Variants in ERG observed in about 807,000 individuals in gnomAD.
The protein encoded by ERG is ETS transcription factor ERG.
In ERG, 9 loss-of-function variants were observed where a neutral mutation model predicts 55.3. The observed-to-expected ratio is 0.16, with a 90% CI of 0.10 to 0.28. The LOEUF is 0.28. Among genes scored for constraint, ERG ranks in the 10% least tolerant of loss-of-function variants. The pLI is 1.00. For synonymous variants in ERG, 223 were observed against 237.3 expected (o/e 0.94, Z 0.55); for missense variants, 434 against 631.6 (o/e 0.69, Z 3.35).
chr21:38,403,678 C>A lies in ERG; in HGVS notation c.420G>T (p.Arg140=), dbSNP rs1262204830. Residue 140 remains arginine (R), a synonymous_variant, in exon 4 of 10, where the codon CGG becomes CGT. Coordinates refer to ENST00000288319, the MANE Select transcript of ERG (RefSeq NM_182918.4). ...CTTTCACCGCCCACTCCAGCCACTGCCGCACATGGTCTGTACTCCATAGCG... is the reference window on the plus strand; with the variant it reads ...CTTTCACCGCCCACTCCAGCCACTGACGCACATGGTCTGTACTCCATAGCG... The part of the protein sequence containing the change: ...DPTLWSTDHV[R]QWLEWAVKEY... The A allele has an allele frequency of 1.2e-6, 2 of 1,614,192 alleles. No individual in the cohort carries two copies. The highest frequency in any genetic ancestry group is 3.3e-5 in the Admixed American group (2 of 60,018).
Position 38,657,121 on chromosome 21 carries a change from CAA to C in ERG, c.-150+4535_-150+4536del, listed in dbSNP as rs5843924. Among the ~76,000 whole-genome samples the C allele has an allele frequency of 2.5e-4, 38 of 151,644 alleles. 1 individual carries two copies. The highest frequency in any genetic ancestry group is 8.7e-4 in the African/African-American group (36 of 41,316). Reference sequence around the variant, plus strand: ...GATGTCTATTTCTCTGGGATAATAACAAAAAAAAAGAGGTGATAAATTAATTC... The same window carrying C: ...GATGTCTATTTCTCTGGGATAATAACAAAAAAAGAGGTGATAAATTAATTC... On this transcript the variant is annotated intron_variant, in intron 1 of 10. Transcript: ENST00000398910.
intron 1 of ERG, among the ~76,000 whole-genome samples, chr21:38,632,672 C>T (rs1337007275): frequency 2.6e-5 from 4 of 152,198 alleles, no homozygotes; most frequent in African/African-American, 9.7e-5. Flanking sequence ...TTGCCTTCCA[C>T]CATGATTGTG....
chr21:38,408,906 T>C (rs951394868), intron 3 of ERG, among the ~76,000 whole-genome samples: 1 of 152,182 alleles, frequency 6.6e-6, no homozygotes, highest in African/African-American at 2.4e-5. Context: ...TAGGAACACC[T>C]CTTGTCTCCA....
chr21:38,572,483 G>C (rs537381585), intron 2 of ERG, among the ~76,000 whole-genome samples: 1 of 152,010 alleles, frequency 6.6e-6, no homozygotes, highest in South Asian at 2.1e-4. Context: ...CCCATATCAG[G>C]CATTTTAATG....
At chr21:38,616,500 C>A (rs2060259983) in intron 1 of ERG, among the ~76,000 whole-genome samples, 1 of 151,984 alleles carries the variant, frequency 6.6e-6, no homozygotes, top group Non-Finnish European at 1.5e-5. Context: ...GACATTAGAG[C>A]ATGGACTGTT....
chr21:38,505,005 T>C (rs1269420404), intron 2 of ERG, among the ~76,000 whole-genome samples: 1 of 152,246 alleles, frequency 6.6e-6, no homozygotes, highest in Non-Finnish European at 1.5e-5. Flanking sequence ...GAAATTGATG[T>C]AGAAGCCTGC....
chr21:38,428,493 A>G (rs1042138350), intron 2 of ERG, among the ~76,000 whole-genome samples: 1 of 152,166 alleles, frequency 6.6e-6, no homozygotes, highest in African/African-American at 2.4e-5. Context: ...CGTTCAATGC[A>G]TTGTTTTATT....
In ERG at chr21:38,445,471, G is replaced by A. The variant is rs150427747; in HGVS notation, c.169C>T (p.Leu57=). ...MSPRVPQQDW[L]SQPPARVTIK... ...GTGACCCTGGCTGGGGGTTGAGACAGCCAATCCTGCTGAGGGACGCGTGGG... is the reference window on the plus strand; with the variant it reads ...GTGACCCTGGCTGGGGGTTGAGACAACCAATCCTGCTGAGGGACGCGTGGG... The change falls in exon 2 of 10, where the codon CTG becomes TTG. Residue 57 remains leucine (L), a synonymous_variant. Transcript: ENST00000288319. 50 of 1,614,058 alleles carry A rather than the reference G, an allele frequency of 3.1e-5. No homozygotes were observed. Among genetic ancestry groups the A allele is most frequent in the Non-Finnish European group, 4.2e-5 (49 of 1,180,044 alleles).
intron 1 of ERG, among the ~76,000 whole-genome samples, chr21:38,642,837 A>G (rs2060433516): frequency 1.3e-5 from 2 of 152,208 alleles, no homozygotes; most frequent in Admixed American, 1.3e-4. Flanking sequence ...TACTTCCAAA[A>G]TATGTATGTG....
intron 1 of ERG, among the ~76,000 whole-genome samples, chr21:38,594,044 G>A (rs1478839125): frequency 6.6e-6 from 1 of 152,238 alleles, no homozygotes; most frequent in African/African-American, 2.4e-5. Flanking sequence ...ACAGGAAAAG[G>A]TTTCCTTGTG....
At chr21:38,536,448 AG>A (rs1437625157) in intron 2 of ERG, among the ~76,000 whole-genome samples, 3 of 152,174 alleles carry the variant, frequency 2.0e-5, no homozygotes, top group Admixed American at 6.5e-5. Context: ...TACCAGATCC[AG>A]CCTCATCTTC....
Position 38,380,176 on chromosome 21 carries a change from G to A in ERG, c.*3227C>T, listed in dbSNP as rs1987360106. ...TCTCCAGGCAATGGGTCACTTTGGG[G>A]CGCTGCAGAACATCTGTGCTTTCCC... On this transcript the variant is annotated 3_prime_UTR_variant, in exon 10 of 10. Coordinates refer to ENST00000288319, the MANE Select transcript of ERG (RefSeq NM_182918.4). The A allele has an allele frequency of 9.6e-7, 1 of 1,046,912 alleles. No homozygotes were observed. The highest frequency in any genetic ancestry group is 1.2e-6 in the Non-Finnish European group (1 of 867,898). The allele number at this position is 1,046,912 out of a possible 1,614,324, so 64.9% of individuals were successfully genotyped here. A position where few individuals can be genotyped will look rare whatever the true frequency, so the allele number is the denominator to read the frequency against.
intron 2 of ERG, among the ~76,000 whole-genome samples, chr21:38,542,087 C>T (rs1386039285): frequency 6.6e-6 from 1 of 151,924 alleles, no homozygotes; most frequent in African/African-American, 2.4e-5. Context: ...CTCAGCTTAC[C>T]ACAACCTCTG....
Position 38,382,315 on chromosome 21 carries a change from A to T in ERG, c.*1088T>A. Reference sequence around the variant, plus strand: ...CTCAAAGGAAAACTGGAGGCCGCCTACCCAAAATGCCTGCGTGATTTCTGA... The same window carrying T: ...CTCAAAGGAAAACTGGAGGCCGCCTTCCCAAAATGCCTGCGTGATTTCTGA... On this transcript the variant is annotated 3_prime_UTR_variant, in exon 10 of 10. Transcript: ENST00000288319. The T allele has an allele frequency of 9.5e-7, 1 of 1,056,342 alleles. No homozygotes were observed. Among genetic ancestry groups the T allele is most frequent in the Non-Finnish European group, 1.1e-6 (1 of 873,494 alleles). The allele number at this position is 1,056,342 out of a possible 1,614,324, so 65.4% of individuals were successfully genotyped here.
intron 2 of ERG, among the ~76,000 whole-genome samples, chr21:38,427,303 G>C (rs550565567): frequency 2.2e-4 from 34 of 152,336 alleles, no homozygotes; most frequent in African/African-American, 7.2e-4. Context: ...TCGAACTCCT[G>C]ACCTAAGGTG....
intron 1 of ERG, among the ~76,000 whole-genome samples, chr21:38,457,754 GT>G (rs1381907298): frequency 6.6e-6 from 1 of 152,186 alleles, no homozygotes; most frequent in Non-Finnish European, 1.5e-5. Flanking sequence ...GGGTAGGTGA[GT>G]AGTGGACATC....
intron 1 of ERG, among the ~76,000 whole-genome samples, chr21:38,617,881 G>A (rs2060267696): frequency 6.6e-6 from 1 of 152,158 alleles, no homozygotes; most frequent in Non-Finnish European, 1.5e-5. Flanking sequence ...GGGCAGGAAG[G>A]TAGGGAAGGC....
intron 2 of ERG, among the ~76,000 whole-genome samples, chr21:38,530,834 C>T (rs2146771372): frequency 6.6e-6 from 1 of 152,272 alleles, no homozygotes; most frequent in South Asian, 2.1e-4. Context: ...CCCGTCGAGT[C>T]ACAGGATTTT....
intron 1 of ERG, among the ~76,000 whole-genome samples, chr21:38,489,492 CA>C (rs1941172681): frequency 6.6e-6 from 1 of 152,208 alleles, no homozygotes; most frequent in African/African-American, 2.4e-5. Flanking sequence ...GTAAAGTCAA[CA>C]AAACTATCTA....
Sources: gnomAD v4.1 joint callset for allele counts (sites outside exome capture counted in the v4.1 genomes callset) on GRCh38, gnomAD v4.1.1 for gene constraint, MANE v1.5 for transcripts, NCBI Gene and HGNC (gene_info 2026-07-23, HGNC 2026-07-21) for gene names.